FGF12: variants seen among roughly 807,000 people sequenced by gnomAD.
FGF12 encodes the protein fibroblast growth factor 12B.
A neutral mutation model predicts 23.6 loss-of-function variants in FGF12; 14 were observed. The observed-to-expected ratio is 0.59, with a 90% CI of 0.39 to 0.93. The LOEUF is 0.93. Ranked by LOEUF, FGF12 falls within the 40% of genes least tolerant of loss-of-function variation. FGF12 has a pLI of 0.00. For missense variants in FGF12, 175 were observed against 217.8 expected, an observed-to-expected ratio of 0.80 and a Z score of 1.24; for synonymous variants, 62 against 77.3, an observed-to-expected ratio of 0.80 and a Z score of 1.04.
chr3:192,246,823 CAAA>C (rs749598472), intron 4 of FGF12, among the ~76,000 whole-genome samples: 7 of 48,776 alleles, frequency 1.4e-4, no homozygotes, highest in Non-Finnish European at 1.6e-4. Flanking sequence ...GAAACTCCGT[CAAA>C]AAAAAAAAAA....
rs2108775987 is a variant in FGF12 at position 192,408,075 on chromosome 3, C to T, written c.14-47537G>A. 4 of 1,613,070 alleles carry T rather than the reference C, an allele frequency of 2.5e-6. No homozygotes were observed. Among genetic ancestry groups the T allele is most frequent in the Non-Finnish European group, 3.4e-6 (4 of 1,179,978 alleles). ...GCGGCCGCTGCAGAAGCGCACTTTG[C>T]TGAACACCCCGAGGACGTGCCTCTC... On this transcript the variant is annotated intron_variant, in intron 2 of 5. Transcript: ENST00000445105. The surrounding 1 kb of genome is among the most constrained non-coding windows in gnomAD (Gnocchi z 7.3).
At chr3:192,691,336 C>A (rs1258863581) in intron 2 of FGF12, among the ~76,000 whole-genome samples, 1 of 152,004 alleles carries the variant, frequency 6.6e-6, no homozygotes, top group Non-Finnish European at 1.5e-5. Context: ...TATTAAGTAT[C>A]TTTTCCAACC....
intron 2 of FGF12, among the ~76,000 whole-genome samples, chr3:192,711,323 G>A (rs1718665938): frequency 6.6e-6 from 1 of 151,750 alleles, no homozygotes; most frequent in Non-Finnish European, 1.5e-5. Context: ...GCCCCATCCG[G>A]GAGGTGGGGG....
chr3:192,597,057 T>C (rs545053357), intron 2 of FGF12, among the ~76,000 whole-genome samples: 3 of 152,348 alleles, frequency 2.0e-5, no homozygotes, highest in Non-Finnish European at 4.4e-5. Flanking sequence ...GTTAAAATTT[T>C]AATCTCTAAT....
intron 2 of FGF12, among the ~76,000 whole-genome samples, chr3:192,436,048 G>A (rs555534477): frequency 3.5e-4 from 54 of 152,216 alleles, no homozygotes; most frequent in South Asian, 1.2e-3. Flanking sequence ...TTTTCTCCTC[G>A]TCTTTATTGA....
chr3:192,613,296 G>A (rs1013755229), intron 2 of FGF12, among the ~76,000 whole-genome samples: 2 of 151,668 alleles, frequency 1.3e-5, no homozygotes, highest in African/African-American at 2.4e-5. Context: ...TTTTATTTAT[G>A]AGCATTTTTA....
intron 2 of FGF12, among the ~76,000 whole-genome samples, chr3:192,480,689 TA>T (rs1047883058): frequency 3.9e-5 from 6 of 152,164 alleles, no homozygotes; most frequent in Admixed American, 1.3e-4. Flanking sequence ...TGAAGCAACA[TA>T]AAAAGTTTCT....
At chr3:192,642,536 G>T (rs1715845486) in intron 2 of FGF12, among the ~76,000 whole-genome samples, 2 of 152,214 alleles carry the variant, frequency 1.3e-5, no homozygotes, top group Non-Finnish European at 2.9e-5. Flanking sequence ...TCTGGCCAAA[G>T]AAGAAGTTAG....
chr3:192,251,616 G>T (rs1422300244), intron 4 of FGF12, among the ~76,000 whole-genome samples: 1 of 150,708 alleles, frequency 6.6e-6, no homozygotes, highest in Non-Finnish European at 1.5e-5. Context: ...AATGGGTAAA[G>T]AAATTGTATT....
intron 2 of FGF12, among the ~76,000 whole-genome samples, chr3:192,663,300 T>C (rs937837188): frequency 1.1e-4 from 17 of 152,232 alleles, no homozygotes; most frequent in Non-Finnish European, 2.4e-4. Context: ...TCAATTTTCC[T>C]ACAGACATTA....
intron 2 of FGF12, among the ~76,000 whole-genome samples, chr3:192,660,507 T>TA (rs1379594410): frequency 4.0e-4 from 49 of 121,440 alleles, no homozygotes; most frequent in Admixed American, 9.2e-4. Flanking sequence ...ACTTAAAGTA[T>TA]AAAAAAAAAA....
chr3:192,347,679 G>C (rs1718027085), intron 3 of FGF12, among the ~76,000 whole-genome samples: 2 of 152,126 alleles, frequency 1.3e-5, no homozygotes, highest in Admixed American at 6.6e-5. Flanking sequence ...CCAAAGAAAA[G>C]AAGGTTGGTC....
At chr3:192,499,806 C>T (rs1310304695) in intron 2 of FGF12, among the ~76,000 whole-genome samples, 2 of 151,710 alleles carry the variant, frequency 1.3e-5, no homozygotes, top group African/African-American at 4.8e-5. Context: ...CCTCAGCCTC[C>T]CAAAGTGCTG....
chr3:192,713,407 A>G lies in FGF12; in HGVS notation c.13+13774T>C, dbSNP rs529439032. 2.3e-4 allele frequency among the ~76,000 whole-genome samples: 35 copies of G among 152,338 alleles called. 1 individual carries two copies. The East Asian group carries it at 3.9e-3, about 17-fold the overall frequency. On this transcript the variant is annotated intron_variant, in intron 2 of 5. Transcript: ENST00000445105. The stretch of plus-strand genomic sequence containing the variant: ...ATGGGAGAGAGGACAAGAAAGTACT[A>G]TATTTCACAATATACTTTGTATAAC...
intron 2 of FGF12, among the ~76,000 whole-genome samples, chr3:192,384,625 A>T (rs1258447912): frequency 1.3e-5 from 2 of 152,212 alleles, no homozygotes; most frequent in Non-Finnish European, 2.9e-5. Context: ...TACATATATG[A>T]AAATTCTTAA....
chr3:192,318,716 C>T (rs545351732), intron 4 of FGF12, among the ~76,000 whole-genome samples: 1 of 151,840 alleles, frequency 6.6e-6, no homozygotes, highest in Admixed American at 6.6e-5. Context: ...AGAAAGATGT[C>T]AATATTCAAG....
At chr3:192,503,762 C>T (rs1247537324) in intron 2 of FGF12, among the ~76,000 whole-genome samples, 4 of 151,920 alleles carry the variant, frequency 2.6e-5, no homozygotes, top group African/African-American at 4.8e-5. Flanking sequence ...CCCGCCACCA[C>T]GCCCGGCTAA....
chr3:192,379,213 T>C (rs188712788), intron 2 of FGF12, among the ~76,000 whole-genome samples: 4 of 152,340 alleles, frequency 2.6e-5, no homozygotes, highest in African/African-American at 4.8e-5. Flanking sequence ...AAAGCAGTTA[T>C]TCAGCTTCCA....
intron 2 of FGF12, among the ~76,000 whole-genome samples, chr3:192,537,895 C>A (rs1377232693): frequency 6.7e-6 from 1 of 148,818 alleles, no homozygotes; most frequent in East Asian, 2.0e-4. Flanking sequence ...AGTGTTTTCC[C>A]AAAGTTTTCT....
Sources: gnomAD v4.1 joint callset for allele counts (sites outside exome capture counted in the v4.1 genomes callset) on GRCh38, gnomAD v4.1.1 for gene constraint, Gnocchi (gnomAD v3.1) non-coding constraint, MANE v1.5 for transcripts, NCBI Gene and HGNC (gene_info 2026-07-23, HGNC 2026-07-21) for gene names.